Variants in GPD2 observed in about 807,000 individuals in gnomAD.
GPD2 encodes glycerol-3-phosphate dehydrogenase, mitochondrial.
In GPD2, 54 loss-of-function variants were observed where a neutral mutation model predicts 82.4. That is an observed-to-expected ratio of 0.66 (90% CI 0.53 to 0.82). The LOEUF (loss-of-function observed/expected upper bound fraction) is 0.82, where lower values mean the gene tolerates loss of function less well. Among genes scored for constraint, GPD2 ranks in the 40% least tolerant of loss-of-function variants. GPD2 has a pLI of 0.00. For synonymous variants in GPD2, 288 were observed against 306.1 expected, an observed-to-expected ratio of 0.94 and a Z score of 0.62; for missense variants, 748 against 896.2, an observed-to-expected ratio of 0.83 and a Z score of 2.11.
At chr2:156,467,977 A>G (rs1683204474) in intron 1 of GPD2, among the ~76,000 whole-genome samples, 1 of 152,100 alleles carries the variant, frequency 6.6e-6, no homozygotes, top group South Asian at 2.1e-4. Flanking sequence ...CATGATCCCC[A>G]CAGTAAAGTA....
intron 6 of GPD2, among the ~76,000 whole-genome samples, chr2:156,515,221 C>T (rs564236616): frequency 6.6e-4 from 100 of 151,992 alleles, no homozygotes; most frequent in African/African-American, 2.3e-3. Context: ...ACCAACATGG[C>T]GAATCCTCAT....
At chr2:156,523,787 T>G (rs1685506221) in intron 6 of GPD2, among the ~76,000 whole-genome samples, 1 of 152,116 alleles carries the variant, frequency 6.6e-6, no homozygotes, top group South Asian at 2.1e-4. Flanking sequence ...CAAGTGATCC[T>G]CCCACCTTGG....
intron 6 of GPD2, among the ~76,000 whole-genome samples, chr2:156,539,977 G>A (rs1686243225): frequency 6.6e-6 from 1 of 152,140 alleles, no homozygotes; most frequent in South Asian, 2.1e-4. Flanking sequence ...AGGATACTGA[G>A]ATTAGGGGTT....
At position 156,585,631 on chromosome 2, in the gene GPD2, G is replaced by A. The variant is rs1194263003; in HGVS notation, c.*2713G>A. 6.6e-6 allele frequency: 1 copy of A among 152,354 alleles called. No homozygotes were observed. The highest frequency in any genetic ancestry group is 1.5e-5 in the Non-Finnish European group (1 of 67,962). The allele number at this position is 152,354 out of a possible 1,614,324, so 9.4% of individuals were successfully genotyped here. A position where few individuals can be genotyped will look rare whatever the true frequency, so the allele number is the denominator to read the frequency against. On this transcript the variant is annotated 3_prime_UTR_variant, in exon 17 of 17. Transcript: ENST00000438166. Reference sequence around the variant, plus strand: ...CTATCCTGCTTCAGTTTCTGGCTTTGCTTTGTCTGTTTCAAAATATGTAGC... The same window carrying A: ...CTATCCTGCTTCAGTTTCTGGCTTTACTTTGTCTGTTTCAAAATATGTAGC...
chr2:156,576,121 G>A (rs1172362975), intron 13 of GPD2, among the ~76,000 whole-genome samples: 2 of 152,168 alleles, frequency 1.3e-5, no homozygotes, highest in Non-Finnish European at 1.5e-5. Flanking sequence ...TAGCACATGT[G>A]AAAAAGAAAT....
At chr2:156,449,737 G>A (rs543777332) in intron 1 of GPD2, among the ~76,000 whole-genome samples, 16 of 151,978 alleles carry the variant, frequency 1.1e-4, no homozygotes, top group Non-Finnish European at 1.9e-4. Context: ...TGGCCTGGGC[G>A]TGGTGGCTTA....
At chr2:156,580,369 T>A (rs977968947) in intron 16 of GPD2, among the ~76,000 whole-genome samples, 1 of 152,244 alleles carries the variant, frequency 6.6e-6, no homozygotes, top group African/African-American at 2.4e-5. Flanking sequence ...TTCAAGGCTC[T>A]GTTGTTTAAT....
At chr2:156,502,587 T>C (rs1264976543) in intron 3 of GPD2, among the ~76,000 whole-genome samples, 1 of 152,008 alleles carries the variant, frequency 6.6e-6, no homozygotes, top group Non-Finnish European at 1.5e-5. Context: ...CCACCAGGCC[T>C]GATGAGTTTT....
At chr2:156,562,688 A>G (rs1393186006) in intron 9 of GPD2, among the ~76,000 whole-genome samples, 1 of 152,214 alleles carries the variant, frequency 6.6e-6, no homozygotes, top group East Asian at 1.9e-4. Flanking sequence ...TTTTAAAACA[A>G]ACACTTATCT....
At chr2:156,486,553 T>C (rs1214721075) in intron 2 of GPD2, among the ~76,000 whole-genome samples, 7 of 152,244 alleles carry the variant, frequency 4.6e-5, no homozygotes, top group Admixed American at 4.6e-4. Flanking sequence ...ATAAATGCTT[T>C]GGGGAGAGTC....
intron 13 of GPD2, among the ~76,000 whole-genome samples, chr2:156,575,977 T>A (rs954118496): frequency 6.6e-6 from 1 of 151,914 alleles, no homozygotes; most frequent in African/African-American, 2.4e-5. Flanking sequence ...AGAGGGAGAG[T>A]GAATGTTTGA....
At chr2:156,531,592 T>G (rs961832709) in intron 6 of GPD2, among the ~76,000 whole-genome samples, 1 of 152,244 alleles carries the variant, frequency 6.6e-6, no homozygotes, top group African/African-American at 2.4e-5. Context: ...ACAGATGTCG[T>G]GTGGCACCTG....
chr2:156,444,946 C>T (rs1682314093), intron 1 of GPD2, among the ~76,000 whole-genome samples: 1 of 152,120 alleles, frequency 6.6e-6, no homozygotes, highest in African/African-American at 2.4e-5. Context: ...GACAGTGTCT[C>T]ACTATGTTGC....
At chr2:156,451,608 G>A (rs1302582229) in intron 1 of GPD2, among the ~76,000 whole-genome samples, 19 of 141,468 alleles carry the variant, frequency 1.3e-4, no homozygotes, top group Admixed American at 4.9e-4. Flanking sequence ...CGGCTGGCCC[G>A]GCAGAGGGGC....
intron 1 of GPD2, among the ~76,000 whole-genome samples, chr2:156,465,512 C>A (rs1342088314): frequency 6.6e-6 from 1 of 151,992 alleles, no homozygotes; most frequent in Non-Finnish European, 1.5e-5. Context: ...CAGGCATGTG[C>A]CATCATGCCC....
chr2:156,437,346 T>A (rs1192913879), intron 1 of GPD2, among the ~76,000 whole-genome samples: 1 of 152,208 alleles, frequency 6.6e-6, no homozygotes, highest in Non-Finnish European at 1.5e-5. Flanking sequence ...GATGTGAAGT[T>A]TCTTTTTGGC....
chr2:156,513,950 T>C (rs188999342), intron 6 of GPD2, among the ~76,000 whole-genome samples: 1 of 152,338 alleles, frequency 6.6e-6, no homozygotes, highest in African/African-American at 2.4e-5. Context: ...GGGCTGAAAT[T>C]GACATGTTTG....
intron 4 of GPD2, among the ~76,000 whole-genome samples, chr2:156,511,174 G>C (rs1477546003): frequency 1.3e-5 from 2 of 152,192 alleles, no homozygotes; most frequent in Non-Finnish European, 2.9e-5. Flanking sequence ...ACTTTTGAAT[G>C]TGTTGCCTTT....
In GPD2 at chr2:156,549,765, C is replaced by T. The variant is rs777934202; in HGVS notation, c.819C>T (p.Val273=). The change falls in exon 7 of 17, where the codon GTC becomes GTT. Residue 273 remains valine (V), a synonymous_variant. Transcript: ENST00000438166. ...VRVSGARCKD[V]LTGQEFDVRA... is the part of the protein sequence containing the mutation. ...TGAGCGGCGCACGGTGCAAGGATGT[C>T]CTCACAGGTATGCCAGGTATCTGGG... 20 of 1,612,366 alleles carry T rather than the reference C, an allele frequency of 1.2e-5. No individual in the cohort carries two copies. The highest frequency in any genetic ancestry group is 1.6e-5 in the Non-Finnish European group (19 of 1,178,568).
Sources: gnomAD v4.1 joint callset for allele counts (sites outside exome capture counted in the v4.1 genomes callset) on GRCh38, gnomAD v4.1.1 for gene constraint, MANE v1.5 for transcripts, NCBI Gene and HGNC (gene_info 2026-07-23, HGNC 2026-07-21) for gene names.